Variants in SYNPO observed in about 807,000 individuals in gnomAD.
SYNPO encodes synaptopodin.
Under a neutral mutation model 49.5 loss-of-function variants are expected in SYNPO, and 19 were observed. The observed-to-expected ratio is 0.38, with a 90% confidence interval of 0.27 to 0.56. The LOEUF (loss-of-function observed/expected upper bound fraction) is 0.56. Ranked by LOEUF, SYNPO falls within the 20% of genes least tolerant of loss-of-function variation. The pLI is 0.68. For synonymous variants in SYNPO, 536 were observed against 548.0 expected (o/e 0.98, Z 0.31); for missense variants, 1,131 against 1,248.3 (o/e 0.91, Z 1.42).
chr5:150,606,527 G>T (rs140442645), intron 1 of SYNPO, among the ~76,000 whole-genome samples: 1 of 152,234 alleles, frequency 6.6e-6, no homozygotes, highest in Non-Finnish European at 1.5e-5. Flanking sequence ...GTGCAGAGCC[G>T]GCTGCCGAAC....
chr5:150,613,818 C>T (rs75746025), intron 1 of SYNPO, among the ~76,000 whole-genome samples: 3,011 of 152,276 alleles, frequency 0.02, 50 homozygotes, highest in Non-Finnish European at 0.034. Flanking sequence ...ATGGAAGAGT[C>T]GAAACAAGGA....
At chr5:150,602,882 C>T (rs1162022828) in intron 1 of SYNPO, among the ~76,000 whole-genome samples, 1 of 152,126 alleles carries the variant, frequency 6.6e-6, no homozygotes, top group Non-Finnish European at 1.5e-5. Context: ...TTGGTTTTGA[C>T]TGTCTAGGGC....
chr5:150,643,352 AATATG>A (rs1334540741), intron 1 of SYNPO, among the ~76,000 whole-genome samples: 10 of 152,340 alleles, frequency 6.6e-5, no homozygotes, highest in African/African-American at 2.2e-4. Context: ...GAAATTAAAT[AATATG>A]AGTAAAGTCT....
chr5:150,624,931 C>CAGGG, intron 2 of SYNPO: 2 of 985,524 alleles, frequency 2.0e-6, no homozygotes, highest in Non-Finnish European at 2.4e-6. Flanking sequence ...GCTGGCCTGG[C>CAGGG]AGGGGTGCGG....
At chr5:150,590,365 T>C in the SYNPO span, among the ~76,000 whole-genome samples, 6 of 152,150 alleles carry the variant, frequency 3.9e-5, no homozygotes, top group Non-Finnish European at 8.8e-5. Flanking sequence ...GCCTCTAAGA[T>C]AGCTCAGAAG....
At chr5:150,646,093 GC>G (rs1365885446) in intron 1 of SYNPO, among the ~76,000 whole-genome samples, 1 of 151,962 alleles carries the variant, frequency 6.6e-6, no homozygotes, top group Non-Finnish European at 1.5e-5. Flanking sequence ...ATTTTAGGAA[GC>G]CAAGGCCAGA....
chr5:150,588,738 T>C, the SYNPO span, among the ~76,000 whole-genome samples: 2 of 152,198 alleles, frequency 1.3e-5, no homozygotes, highest in South Asian at 2.1e-4. Flanking sequence ...GTCAGTCTAA[T>C]GAGGCCTTTG....
At chr5:150,589,710 A>G in the SYNPO span, among the ~76,000 whole-genome samples, 1 of 152,246 alleles carries the variant, frequency 6.6e-6, no homozygotes, top group African/African-American at 2.4e-5. Flanking sequence ...CTGCTAATGC[A>G]TTTGGCAGGA....
chr5:150,631,782 C>T (rs1757547819), intron 2 of SYNPO, among the ~76,000 whole-genome samples: 1 of 152,158 alleles, frequency 6.6e-6, no homozygotes, highest in Non-Finnish European at 1.5e-5. Flanking sequence ...CCTCTCTCCC[C>T]CATCTCTTCA....
intron 2 of SYNPO, 108 bp from the exon 3 acceptor site, chr5:150,656,296 G>A: frequency 1.1e-6 from 1 of 911,444 alleles, no homozygotes; most frequent in Non-Finnish European, 1.6e-6. Context: ...TGGATCGGTG[G>A]CTTCCCTTCT....
chr5:150,588,602 T>C, the SYNPO span, among the ~76,000 whole-genome samples: 1 of 151,600 alleles, frequency 6.6e-6, no homozygotes, highest in Non-Finnish European at 1.5e-5. Context: ...GATCTCAGTC[T>C]GTCTAGGAGA....
chr5:150,612,968 G>A (rs2151356084), intron 1 of SYNPO, among the ~76,000 whole-genome samples: 1 of 152,142 alleles, frequency 6.6e-6, no homozygotes, highest in Non-Finnish European at 1.5e-5. Context: ...TGTAGAGACG[G>A]GGGTCTCACT....
chr5:150,613,158 G>C (rs1365703300), intron 1 of SYNPO, among the ~76,000 whole-genome samples: 1 of 126,764 alleles, frequency 7.9e-6, no homozygotes, highest in East Asian at 3.6e-4. Context: ...ACCTCTGCCT[G>C]CCAGCCAGCC....
In SYNPO at chr5:150,656,190, C is replaced by G. The variant is rs189195906; in HGVS notation, c.2029-214C>G. Among the ~76,000 whole-genome samples the G allele has an allele frequency of 2.0e-3, 303 of 152,264 alleles. 2 individuals are homozygous for G. The highest frequency in any genetic ancestry group is 7.1e-3 in the African/African-American group (294 of 41,550). On this transcript the variant is annotated intron_variant, in intron 2 of 2. Transcript: ENST00000307662. ...GGCGGCTCTCTCCAAAGCGAGTCTTCTTAACACGGAGGCAGACACAAGACA... is the reference window on the plus strand; with the variant it reads ...GGCGGCTCTCTCCAAAGCGAGTCTTGTTAACACGGAGGCAGACACAAGACA...
chr5:150,601,069 C>G (rs1049525689), upstream of SYNPO: 2 of 152,180 alleles, frequency 1.3e-5, no homozygotes, highest in Non-Finnish European at 2.9e-5. Context: ...CCCGCTCAGC[C>G]TGCTCCAGAC....
chr5:150,602,599 ATTTG>A (rs1377193788), intron 1 of SYNPO, among the ~76,000 whole-genome samples: 1 of 151,920 alleles, frequency 6.6e-6, no homozygotes, highest in Non-Finnish European at 1.5e-5. Flanking sequence ...CCAGCATTTT[ATTTG>A]TTTATTTATT....
At chr5:150,588,261 G>A in the SYNPO span, among the ~76,000 whole-genome samples, 6 of 152,154 alleles carry the variant, frequency 3.9e-5, no homozygotes, top group South Asian at 2.1e-4. Context: ...ATCTCCATGC[G>A]TGACTTTCCA....
chr5:150,610,667 T>TTACC (rs148221392), intron 1 of SYNPO, among the ~76,000 whole-genome samples: 5,753 of 152,272 alleles, frequency 0.038, 153 homozygotes, highest in East Asian at 0.12. Flanking sequence ...TGTACACAGG[T>TTACC]TACCTTATTT....
At chr5:150,597,027 T>C (rs1261163777), upstream of SYNPO, among the ~76,000 whole-genome samples, 1 of 152,198 alleles carries the variant, frequency 6.6e-6, no homozygotes, top group African/African-American at 2.4e-5. Context: ...GGGGACCTAG[T>C]GCTGTGTCTC....
Sources: gnomAD v4.1 joint callset for allele counts (sites outside exome capture counted in the v4.1 genomes callset) on GRCh38, gnomAD v4.1.1 for gene constraint, MANE v1.5 for transcripts, NCBI Gene and HGNC (gene_info 2026-07-23, HGNC 2026-07-21) for gene names.